The following CDH23 variants were observed in gnomAD, a reference collection of about 807,000 sequenced individuals.
CDH23 encodes cadherin related 23.
Under a neutral mutation model 317.1 loss-of-function variants are expected in CDH23, and 189 were observed. That is an observed-to-expected ratio of 0.60 (90% CI 0.53 to 0.67). The LOEUF (loss-of-function observed/expected upper bound fraction) is 0.67, where lower values mean the gene tolerates loss of function less well. CDH23 is among the 30% of genes least tolerant of loss of function. The pLI, the probability that CDH23 is intolerant of heterozygous loss-of-function variation, is 0.00. For missense variants in CDH23, 4,401 were observed against 4,592.4 expected, an observed-to-expected ratio of 0.96 and a Z score of 1.20; for synonymous variants, 1,839 against 1,876.8, an observed-to-expected ratio of 0.98 and a Z score of 0.52.
rs1222556380 is a variant in CDH23 at position 71,777,805 on chromosome 10, C to A, written c.4971C>A (p.Ile1657=). The A allele has an allele frequency of 6.2e-7, 1 of 1,613,856 alleles. No individual in the cohort carries two copies. The highest frequency in any genetic ancestry group is 1.1e-5 in the South Asian group (1 of 91,070). Residue 1657 remains isoleucine (I), a synonymous_variant, in exon 39 of 70, where the codon ATC becomes ATA. Transcript: ENST00000224721. ...PDTLNTSLIT[I]QALDLDEGPN... is the part of the protein sequence containing the mutation. ...CGCTCAACACCAGCCTCATCACCATCCAGGCACTGGACCTGGATGAGGGTC... is the reference window on the plus strand; with the variant it reads ...CGCTCAACACCAGCCTCATCACCATACAGGCACTGGACCTGGATGAGGGTC...
intron 9 of CDH23, among the ~76,000 whole-genome samples, chr10:71,591,275 G>A (rs779449995): frequency 5.3e-5 from 8 of 152,230 alleles, no homozygotes; most frequent in Non-Finnish European, 8.8e-5. Context: ...TTTAAGTGGT[G>A]CATGGATGGG....
chr10:71,753,746 T>A (rs1840064451), intron 38 of CDH23: 1 of 456,232 alleles, frequency 2.2e-6, no homozygotes, highest in South Asian at 1.5e-5. Context: ...TTAAGGAGAT[T>A]TACTGCTGAT....
intron 50 of CDH23, 26 bp from the exon 51 acceptor site, chr10:71,799,085 T>C (rs1841485542): frequency 6.3e-7 from 1 of 1,599,738 alleles, no homozygotes; most frequent in Admixed American, 1.7e-5. Flanking sequence ...GTGGCCAAAA[T>C]GGCAGTGGGA....
intron 9 of CDH23, among the ~76,000 whole-genome samples, chr10:71,603,424 G>A (rs576995054): frequency 6.6e-6 from 1 of 151,706 alleles, no homozygotes; most frequent in South Asian, 2.1e-4. Context: ...AGCCTCGGGT[G>A]AGTTATGTGG....
intron 6 of CDH23, among the ~76,000 whole-genome samples, chr10:71,530,546 G>A (rs1362654737): frequency 6.6e-6 from 1 of 152,242 alleles, no homozygotes; most frequent in African/African-American, 2.4e-5. Context: ...GCATCGGGGG[G>A]CAGGTGTGTG....
chr10:71,790,314 C>A lies in CDH23; in HGVS notation c.5950C>A (p.Pro1984Thr), dbSNP rs1411382554. The change falls in exon 46 of 70, where the codon CCC becomes ACC. Residue 1984 changes from proline to threonine, a missense_variant. Around this residue, in one of 3 missense-constraint regions of CDH23, gnomAD observed 3,068 missense variants for 3,203.3 expected, o/e 0.96. Coordinates refer to ENST00000224721, the MANE Select transcript of CDH23 (RefSeq NM_022124.6). ...AGTPLTVLNG[P>T]ILALDADQDI... ...CACCCCTCTCACGGTGCTCAATGGG[C>A]CCATCCTGGCCCTGGATGCAGACCA... The A allele has an allele frequency of 6.2e-7, 1 of 1,613,746 alleles. No individual in the cohort carries two copies. The highest frequency in any genetic ancestry group is 8.5e-7 in the Non-Finnish European group (1 of 1,179,868).
chr10:71,460,281 G>C (rs937671042), intron 3 of CDH23, among the ~76,000 whole-genome samples: 1 of 152,224 alleles, frequency 6.6e-6, no homozygotes, highest in Non-Finnish European at 1.5e-5. Context: ...TTCATAACAC[G>C]GTGGACAGGG....
At chr10:71,485,023 C>CTTTTTTTTTT (rs56153129) in intron 3 of CDH23, among the ~76,000 whole-genome samples, 4 of 110,146 alleles carry the variant, frequency 3.6e-5, no homozygotes, top group Non-Finnish European at 5.4e-5. Context: ...TTTCTTTTTT[C>CTTTTTTTTTT]TTTTTTTTTT....
At chr10:71,692,975 A>G (rs1160395358) in intron 20 of CDH23, among the ~76,000 whole-genome samples, 4 of 152,238 alleles carry the variant, frequency 2.6e-5, no homozygotes, top group Non-Finnish European at 2.9e-5. Context: ...TCTCCATTTT[A>G]TAGATGAGAA....
intron 6 of CDH23, among the ~76,000 whole-genome samples, chr10:71,536,635 G>T (rs1855718508): frequency 6.6e-6 from 1 of 152,180 alleles, no homozygotes; most frequent in Non-Finnish European, 1.5e-5. Flanking sequence ...GTGGGGCAGG[G>T]TTGAAGACAG....
In CDH23 at chr10:71,677,560, G is replaced by A. The variant is rs746480906; in HGVS notation, c.1619G>A (p.Gly540Asp). 3.7e-6 allele frequency: 6 copies of A among 1,611,612 alleles called. No individual in the cohort carries two copies. The highest frequency in any genetic ancestry group is 5.1e-6 in the Non-Finnish European group (6 of 1,179,216). Residue 540 changes from glycine to aspartate, a missense_variant, in exon 16 of 70, where the codon GGC becomes GAC. By Grantham distance (94) the Gly-to-Asp change is moderately conservative (BLOSUM62 -1). Around this residue, in one of 3 missense-constraint regions of CDH23, gnomAD observed 3,068 missense variants for 3,203.3 expected, o/e 0.96. Transcript: ENST00000224721. ...TLTIIARDGG[G>D]EETTGRVRIN... Reference sequence around the variant, plus strand: ...ACGATCATTGCCCGGGACGGGGGCGGCGAGGAGACCACAGGCCGGGTCAGG... The same window carrying A: ...ACGATCATTGCCCGGGACGGGGGCGACGAGGAGACCACAGGCCGGGTCAGG...
chr10:71,737,858 A>G (rs896168757), intron 34 of CDH23: 1 of 455,660 alleles, frequency 2.2e-6, no homozygotes, highest in Non-Finnish European at 4.5e-6. Flanking sequence ...CTTGCGTGCC[A>G]TTTGTTGCAT....
chr10:71,411,471 C>A (rs1230171160), intron 1 of CDH23, among the ~76,000 whole-genome samples: 1 of 151,950 alleles, frequency 6.6e-6, no homozygotes, highest in Non-Finnish European at 1.5e-5. Context: ...GATTACACAA[C>A]CATTGTTAAA....
At chr10:71,454,730 T>C (rs1432195984) in intron 3 of CDH23, among the ~76,000 whole-genome samples, 6 of 152,172 alleles carry the variant, frequency 3.9e-5, no homozygotes, top group African/African-American at 7.2e-5. Flanking sequence ...AGCACCTCCA[T>C]AGAAAGACAG....
chr10:71,693,933 C>T (rs1358686545), intron 20 of CDH23, among the ~76,000 whole-genome samples: 1 of 152,182 alleles, frequency 6.6e-6, no homozygotes, highest in Non-Finnish European at 1.5e-5. Context: ...GTTGCCCAGC[C>T]CTGGGGAACC....
chr10:71,714,185 G>A (rs939307734), intron 28 of CDH23: 1 of 152,088 alleles, frequency 6.6e-6, no homozygotes, highest in Non-Finnish European at 1.5e-5. Context: ...AAGGGACAGT[G>A]GGCTTCTCCA....
chr10:71,432,354 TGA>T (rs1849421048), intron 1 of CDH23, among the ~76,000 whole-genome samples: 1 of 148,978 alleles, frequency 6.7e-6, no homozygotes, highest in Non-Finnish European at 1.5e-5. Flanking sequence ...TGTGTGAGTG[TGA>T]GAGTCTGGGT....
intron 38 of CDH23, among the ~76,000 whole-genome samples, chr10:71,770,224 C>T (rs1380193191): frequency 6.6e-6 from 1 of 152,210 alleles, no homozygotes; most frequent in Non-Finnish European, 1.5e-5. Context: ...ACAGTATTCA[C>T]GAGGAGCCGG....
In CDH23 at chr10:71,803,051, T is replaced by C; in HGVS notation, c.7636T>C (p.Tyr2546His). 6.2e-7 allele frequency: 1 copy of C among 1,612,414 alleles called. No homozygotes were observed. The highest frequency in any genetic ancestry group is 1.1e-5 in the South Asian group (1 of 91,052). ...TGAAGGTCCCAATGGAGAGTTGACC[T>C]ACTCACTTGAGGGCCCTGGCGTGGG... ...QDEGPNGELT[Y>H]SLEGPGVEAF... Residue 2546 changes from tyrosine to histidine, a missense_variant, in exon 54 of 70, where the codon TAC becomes CAC. Tyr to His is a moderately conservative substitution (Grantham distance 83). Around this residue, in one of 3 missense-constraint regions of CDH23, gnomAD observed 1,144 missense variants for 1,138.2 expected, o/e 1.01. Coordinates refer to ENST00000224721, the MANE Select transcript of CDH23 (RefSeq NM_022124.6).
Sources: gnomAD v4.1 joint callset for allele counts (sites outside exome capture counted in the v4.1 genomes callset) on GRCh38, gnomAD v4.1.1 for gene constraint, gnomAD v4.1.1 regional missense constraint, MANE v1.5 for transcripts, NCBI Gene and HGNC (gene_info 2026-07-23, HGNC 2026-07-21) for gene names.